Variants in DMD observed in about 807,000 individuals in gnomAD.
DMD encodes the protein dystrophin.
DMD carries 63 observed loss-of-function variants against 330.1 expected under a neutral mutation model. That is an observed-to-expected ratio of 0.19 (90% CI 0.16 to 0.24). The LOEUF is 0.24. DMD is among the 10% of genes least tolerant of loss of function. DMD has a pLI of 1.00. For missense variants in DMD, 3,344 were observed against 2,684.1 expected, an observed-to-expected ratio of 1.25 and a Z score of -5.43; for synonymous variants, 1,223 against 959.8, an observed-to-expected ratio of 1.27 and a Z score of -5.07.
chrX:32,870,980 A>AAG lies in DMD; in HGVS notation c.94-21161_94-21160insCT, dbSNP rs2082930519. Among the ~76,000 whole-genome samples the AAG allele has an allele frequency of 3.2e-4, 12 of 37,209 alleles. 1 individual carries two copies. The highest frequency in any genetic ancestry group is 2.2e-3 in the Admixed American group (6 of 2,714). 32.3% of individuals were successfully genotyped at this position (37,209 alleles called of 115,157 possible). ...CAGCAAAAAAAAAAAAAAAAAAAAAAAAAAAAAACCACAAAACCCATCATC... is the reference window on the plus strand; with the variant it reads ...CAGCAAAAAAAAAAAAAAAAAAAAAAAGAAAAAAAACCACAAAACCCATCATC... On this transcript the variant is annotated intron_variant, in intron 2 of 78. Transcript: ENST00000357033.
intron 1 of DMD, among the ~76,000 whole-genome samples, chrX:33,314,343 T>C (rs143820930): frequency 0.27 from 28,637 of 107,758 alleles, 2,910 homozygotes; most frequent in Admixed American, 0.32. Flanking sequence ...CTGCAACCTC[T>C]ATCTCCCAGG....
chrX:32,059,683 C>T (rs2096208926), intron 44 of DMD, among the ~76,000 whole-genome samples: 1 of 110,809 alleles, frequency 9.0e-6, no homozygotes, highest in Admixed American at 9.6e-5. Flanking sequence ...CGGAAGTAGA[C>T]TTGAAGGCCA....
chrX:31,558,659 T>G, intron 55 of DMD, among the ~76,000 whole-genome samples: 1 of 108,038 alleles, frequency 9.3e-6, no homozygotes, highest in Admixed American at 1.1e-4. Context: ...ATATATACTA[T>G]ATATATGTGT....
intron 9 of DMD, among the ~76,000 whole-genome samples, chrX:32,687,729 C>G (rs1234654346): frequency 9.0e-6 from 1 of 110,976 alleles, no homozygotes; most frequent in African/African-American, 3.3e-5. Flanking sequence ...CATCTGAGAC[C>G]CAGAATCAAA....
At chrX:31,949,155 T>A (rs2150084541) in intron 45 of DMD, among the ~76,000 whole-genome samples, 1 of 111,330 alleles carries the variant, frequency 9.0e-6, no homozygotes, top group African/African-American at 3.3e-5. Flanking sequence ...ATTTTTCAAT[T>A]TGTGCCAAGA....
At chrX:32,678,089 T>C (rs1210036851) in intron 9 of DMD, among the ~76,000 whole-genome samples, 1 of 111,807 alleles carries the variant, frequency 8.9e-6, no homozygotes, top group Non-Finnish European at 1.9e-5. Flanking sequence ...TGGTGGCTTT[T>C]AGAGGCTGAA....
chrX:31,195,881 AG>A (rs2042835941), intron 67 of DMD, among the ~76,000 whole-genome samples: 1 of 111,269 alleles, frequency 9.0e-6, no homozygotes, highest in African/African-American at 3.3e-5. Flanking sequence ...GAAGGAAGAA[AG>A]AAAGATTTGG....
intron 51 of DMD, among the ~76,000 whole-genome samples, chrX:31,762,083 C>T (rs1182266470): frequency 2.7e-5 from 3 of 112,430 alleles, no homozygotes; most frequent in Non-Finnish European, 3.8e-5. Flanking sequence ...GGAATGGTCA[C>T]GTGACACATT....
At chrX:31,819,214 A>G (rs1056444355) in intron 50 of DMD, among the ~76,000 whole-genome samples, 1 of 112,452 alleles carries the variant, frequency 8.9e-6, no homozygotes, top group Non-Finnish European at 1.9e-5. Flanking sequence ...AGAAAATAAA[A>G]TAGACTGAAA....
intron 18 of DMD, among the ~76,000 whole-genome samples, chrX:32,503,177 T>A (rs1488508740): frequency 2.7e-5 from 3 of 111,167 alleles, no homozygotes; most frequent in Non-Finnish European, 5.7e-5. Flanking sequence ...AGTCCAGGGA[T>A]TTGAGATCAG....
intron 55 of DMD, among the ~76,000 whole-genome samples, chrX:31,573,327 CT>C (rs2075921450): frequency 8.9e-6 from 1 of 111,866 alleles, no homozygotes; most frequent in African/African-American, 3.2e-5. Flanking sequence ...AAATTTCCTA[CT>C]AATTTTGTAG....
chrX:32,797,923 T>C (rs1451409749), intron 7 of DMD, among the ~76,000 whole-genome samples: 1 of 111,878 alleles, frequency 8.9e-6, no homozygotes, highest in African/African-American at 3.2e-5. Flanking sequence ...TAGAACCTAA[T>C]CCATAATGCA....
chrX:32,168,159 T>A (rs1405258842), intron 44 of DMD, among the ~76,000 whole-genome samples: 1 of 111,605 alleles, frequency 9.0e-6, no homozygotes, highest in Non-Finnish European at 1.9e-5. Context: ...CATGACTGCT[T>A]GGTTTGTCCT....
chrX:31,199,455 G>A (rs915048805), intron 67 of DMD, among the ~76,000 whole-genome samples: 2 of 112,316 alleles, frequency 1.8e-5, no homozygotes, highest in African/African-American at 6.5e-5. Context: ...CCATGGATGT[G>A]ACTTCATTTC....
chrX:33,079,284 T>C (rs1318919827), intron 1 of DMD, among the ~76,000 whole-genome samples: 1 of 111,554 alleles, frequency 9.0e-6, no homozygotes, highest in East Asian at 2.8e-4. Context: ...CGTGCTGGGA[T>C]TACAGGCATG....
chrX:32,636,988 T>C (rs537263113), intron 11 of DMD, among the ~76,000 whole-genome samples: 3 of 108,524 alleles, frequency 2.8e-5, no homozygotes, highest in East Asian at 2.8e-4. Context: ...ACAGGGAGAC[T>C]CTGTCTCAAA....
chrX:32,520,202 A>C (rs979997272), intron 17 of DMD, among the ~76,000 whole-genome samples: 8 of 111,604 alleles, frequency 7.2e-5, no homozygotes, highest in African/African-American at 2.6e-4. Context: ...TTTGACTATC[A>C]GGTTCCTGTT....
chrX:31,321,550 C>T (rs2056414973), intron 62 of DMD, among the ~76,000 whole-genome samples: 1 of 87,372 alleles, frequency 1.1e-5, no homozygotes, highest in Non-Finnish European at 2.1e-5. Flanking sequence ...GGCCACTGCA[C>T]TCCAGCCTGG....
chrX:31,364,930 C>A lies in DMD; in HGVS notation c.9085-16296G>T, dbSNP rs1467947960. On this transcript the variant is annotated intron_variant, in intron 60 of 78. Coordinates refer to ENST00000357033, the MANE Select transcript of DMD (RefSeq NM_004006.3). ...GGCTAACGGTGAAACCCCGTCTGTA[C>A]TAAAAATACAAAAAATTAGCCAGGC... Among the ~76,000 whole-genome samples, 3 of 109,470 alleles carry A rather than the reference C, an allele frequency of 2.7e-5. No homozygotes were observed. The East Asian group carries it at 8.6e-4, about 31-fold the overall frequency.
Sources: allele counts gnomAD v4.1 joint callset (sites outside exome capture counted in the v4.1 genomes callset), GRCh38; gene constraint gnomAD v4.1.1; transcripts MANE v1.5; gene names NCBI Gene and HGNC (gene_info 2026-07-23, HGNC 2026-07-21).